The following TRIB3 variants were observed in gnomAD, a reference collection of about 807,000 sequenced individuals.
TRIB3 encodes the protein tribbles pseudokinase 3.
Under a neutral mutation model 16.6 loss-of-function variants are expected in TRIB3, and 20 were observed. The observed-to-expected ratio is 1.20, with a 90% confidence interval of 0.85 to 1.75. The LOEUF (loss-of-function observed/expected upper bound fraction) is 1.75, where lower values mean the gene tolerates loss of function less well. Ranked by LOEUF, TRIB3 falls within the 40% of genes most tolerant of loss-of-function variation. TRIB3 has a pLI of 0.00. For synonymous variants in TRIB3, 208 were observed against 217.0 expected, an observed-to-expected ratio of 0.96 and a Z score of 0.36; for missense variants, 484 against 488.9, an observed-to-expected ratio of 0.99 and a Z score of 0.10.
At chr20:387,035 G>C (rs371477630) in intron 1 of TRIB3, among the ~76,000 whole-genome samples, 1 of 152,082 alleles carries the variant, frequency 6.6e-6, no homozygotes, top group Admixed American at 6.5e-5. Context: ...ACAGGCGTGA[G>C]CCACCACGCC....
intron 3 of TRIB3, among the ~76,000 whole-genome samples, chr20:393,140 C>T (rs562375401): frequency 9.8e-6 from 1 of 101,784 alleles, no homozygotes; most frequent in Admixed American, 8.9e-5. Context: ...TAACACCTGA[C>T]GTAGCTATGG....
At position 380,767 on chromosome 20, in the gene TRIB3, C is replaced by T. The variant is rs2014613344; in HGVS notation, c.-403C>T. The T allele has an allele frequency of 6.6e-6, 1 of 151,954 alleles. No individual in the cohort carries two copies. The highest frequency in any genetic ancestry group is 1.5e-5 in the Non-Finnish European group (1 of 68,146). The allele number at this position is 151,954 out of a possible 1,614,324, so 9.4% of individuals were successfully genotyped here. A position where few individuals can be genotyped will look rare whatever the true frequency, so the allele number is the denominator to read the frequency against. ...CTGATGTCTGCACTGACCAGACGCC[C>T]CTAGGGGGCCAGCGAGGGCGGGTCC... On this transcript the variant is annotated 5_prime_UTR_variant, in exon 1 of 4. Coordinates refer to ENST00000217233, the MANE Select transcript of TRIB3 (RefSeq NM_021158.5).
rs1440223904 is a variant in TRIB3 at position 396,944 on chromosome 20, C to T, written c.*254C>T. 2 of 475,544 alleles carry T rather than the reference C, an allele frequency of 4.2e-6. No individual in the cohort carries two copies. Among genetic ancestry groups the T allele is most frequent in the Admixed American group, 3.7e-5 (1 of 26,854 alleles). The allele number at this position is 475,544 out of a possible 1,614,324, so 29.5% of individuals were successfully genotyped here. A position where few individuals can be genotyped will look rare whatever the true frequency, so the allele number is the denominator to read the frequency against. On this transcript the variant is annotated 3_prime_UTR_variant, in exon 4 of 4. Coordinates refer to ENST00000217233, the MANE Select transcript of TRIB3 (RefSeq NM_021158.5). ...GCAGTGAGCAAAGGAGACAATATTC[C>T]CTGCTCACAGAGATGACAAACTGGC...
intron 1 of TRIB3, among the ~76,000 whole-genome samples, chr20:382,982 A>T (rs1200776866): frequency 6.6e-6 from 1 of 152,188 alleles, no homozygotes. Flanking sequence ...AACTGTTGGG[A>T]AGGTCTTTAA....
rs778559464 is a variant in TRIB3 at position 391,389 on chromosome 20, C to A, written c.394C>A (p.Leu132Ile). 2 of 1,613,646 alleles carry A rather than the reference C, an allele frequency of 1.2e-6. No individual in the cohort carries two copies. Among genetic ancestry groups the A allele is most frequent in the Middle Eastern group, 3.3e-4 (2 of 6,082 alleles). ...RPTEVLAGTQ[L>I]LYAFFTRTHG... ...CACTGAGGTCCTGGCTGGTACCCAG[C>A]TCCTCTACGCCTTTTTCACTCGGAC... The change falls in exon 3 of 4, where the codon CTC becomes ATC. Residue 132 changes from leucine (L) to isoleucine (I), a missense_variant. Coordinates refer to ENST00000217233, the MANE Select transcript of TRIB3 (RefSeq NM_021158.5).
In TRIB3 at chr20:397,511, A is replaced by G. The variant is rs1294271241; in HGVS notation, c.*821A>G. On this transcript the variant is annotated 3_prime_UTR_variant, in exon 4 of 4. Transcript: ENST00000217233. ...GTCCATACTCTAGGTTTTGGATACC[A>G]TGAGTATGTATGTTTACCTGTGCCT... 6.6e-6 allele frequency: 1 copy of G among 152,198 alleles called. No individual in the cohort carries two copies. Among genetic ancestry groups the G allele is most frequent in the Admixed American group, 6.5e-5 (1 of 15,276 alleles). 9.4% of individuals were successfully genotyped at this position (152,198 alleles called of 1,614,324 possible).
At chr20:388,955 CTGGGG>C (rs2014899128) in intron 2 of TRIB3, among the ~76,000 whole-genome samples, 1 of 152,052 alleles carries the variant, frequency 6.6e-6, no homozygotes, top group Non-Finnish European at 1.5e-5. Flanking sequence ...GGCCTGGCTC[CTGGGG>C]TAAACTAAGG....
At chr20:382,555 A>T (rs2014691113) in intron 1 of TRIB3, 2 of 1,535,586 alleles carry the variant, frequency 1.3e-6, no homozygotes, top group East Asian at 2.4e-5. Context: ...GATGGTACTT[A>T]TGCATCTTGC....
At position 396,188 on chromosome 20, in the gene TRIB3, C is replaced by T; in HGVS notation, c.585-10C>T. On this transcript the variant is annotated splice_polypyrimidine_tract_variant and intron_variant, in intron 3 of 3. Coordinates refer to ENST00000217233, the MANE Select transcript of TRIB3 (RefSeq NM_021158.5). ...AGGACCTGACCCTTCTGTTTCTCCC[C>T]ATGTCCCAGGAAGAAGCTGGTGCTG... The T allele has an allele frequency of 6.2e-7, 1 of 1,603,462 alleles. No individual in the cohort carries two copies. Among genetic ancestry groups the T allele is most frequent in the Non-Finnish European group, 8.5e-7 (1 of 1,172,454 alleles).
intron 2 of TRIB3, among the ~76,000 whole-genome samples, chr20:390,397 C>T (rs185914727): frequency 3.1e-4 from 47 of 152,304 alleles, no homozygotes; most frequent in Non-Finnish European, 6.3e-4. Flanking sequence ...CAATGCTTAT[C>T]AGCATTTGTC....
At chr20:394,785 C>CT (rs763207463) in intron 3 of TRIB3, among the ~76,000 whole-genome samples, 3 of 148,868 alleles carry the variant, frequency 2.0e-5, no homozygotes, top group Non-Finnish European at 3.0e-5. Context: ...GACCCTATCT[C>CT]TAAAGAAAAA....
rs565398105 is a variant in TRIB3 at position 386,992 on chromosome 20, T to C, written c.1-1019T>C. On this transcript the variant is annotated intron_variant, in intron 1 of 3. Transcript: ENST00000217233. ...GGTCTTGAACTCCCAGCCTCATGATTCGCCCACCTTGGCCTCCCAAAGTGC... is the reference window on the plus strand; with the variant it reads ...GGTCTTGAACTCCCAGCCTCATGATCCGCCCACCTTGGCCTCCCAAAGTGC... Among the ~76,000 whole-genome samples, 700 of 151,976 alleles carry C rather than the reference T, an allele frequency of 4.6e-3. 8 individuals are homozygous for C. The highest frequency in any genetic ancestry group is 0.013 in the South Asian group (61 of 4,802).
In TRIB3 at chr20:391,482, T is replaced by C; in HGVS notation, c.487T>C (p.Phe163Leu). The C allele has an allele frequency of 6.2e-7, 1 of 1,613,882 alleles. No homozygotes were observed. The highest frequency in any genetic ancestry group is 8.5e-7 in the Non-Finnish European group (1 of 1,180,014). Residue 163 changes from phenylalanine to leucine, a missense_variant, in exon 3 of 4, where the codon TTC becomes CTC. Transcript: ENST00000217233. The part of the protein sequence containing the change: ...RIPEPEAAVL[F>L]RQMATALAHC... Reference sequence around the variant, plus strand: ...CCCTGAGCCTGAGGCTGCCGTGCTCTTCCGCCAGATGGCCACCGCCCTGGC... The same window carrying C: ...CCCTGAGCCTGAGGCTGCCGTGCTCCTCCGCCAGATGGCCACCGCCCTGGC...
chr20:381,026 C>T lies in TRIB3; in HGVS notation c.-144C>T, dbSNP rs1410168214. 2 of 148,956 alleles carry T rather than the reference C, an allele frequency of 1.3e-5. No individual in the cohort carries two copies. The highest frequency in any genetic ancestry group is 4.9e-5 in the African/African-American group (2 of 41,068). 9.2% of individuals were successfully genotyped at this position (148,956 alleles called of 1,614,324 possible). On this transcript the variant is annotated 5_prime_UTR_variant, in exon 1 of 4. Transcript: ENST00000217233. ...GCGGAAGTGGAGGCGGCTCCGCGCG[C>T]GTCCGCTGCTAGGACCCGGGCAGGG...
chr20:391,327 A>ACG lies in TRIB3; in HGVS notation c.332_333insCG (p.Ala112ValfsTer99), dbSNP rs2014969813. On this transcript the variant is annotated frameshift_variant, in exon 3 of 4. Transcript: ENST00000217233. LOFTEE classifies it high-confidence loss of function. The stretch of plus-strand genomic sequence containing the variant: ...GAAGCCCTGGCCGTGCTGGAGCCCT[A>ACG]TGCGCGGCTGCCCCCGCACAAGCAT... 1 of 1,613,086 alleles carries ACG rather than the reference A, an allele frequency of 6.2e-7. No individual in the cohort carries two copies. The highest frequency in any genetic ancestry group is 1.1e-5 in the South Asian group (1 of 91,074).
chr20:388,380 G>GA lies in TRIB3; in HGVS notation c.291+80dup, dbSNP rs1600250655. The GA allele has an allele frequency of 8.8e-6, 13 of 1,475,826 alleles. No individual in the cohort carries two copies. The East Asian group carries it at 3.0e-4, about 34-fold the overall frequency. The allele number at this position is 1,475,826 out of a possible 1,614,324, so 91.4% of individuals were successfully genotyped here. ...GCCTCCAAAGGATTGCCAGGGTGCA[G>GA]AGGGGTCCTTATGTTCATTCATTCT... On this transcript the variant is annotated intron_variant, in intron 2 of 3. Coordinates refer to ENST00000217233, the MANE Select transcript of TRIB3 (RefSeq NM_021158.5).
chr20:383,156 G>A (rs745500126), intron 1 of TRIB3, among the ~76,000 whole-genome samples: 6 of 152,196 alleles, frequency 3.9e-5, no homozygotes, highest in Non-Finnish European at 8.8e-5. Context: ...ACAGCTGCGT[G>A]AATGGTGGCT....
intron 1 of TRIB3, among the ~76,000 whole-genome samples, chr20:382,851 C>T (rs561302203): frequency 6.6e-6 from 1 of 152,328 alleles, no homozygotes; most frequent in Non-Finnish European, 1.5e-5. Flanking sequence ...AAGTCATGAC[C>T]TTTCACTCAT....
At chr20:393,435 GAT>G (rs1460513932) in intron 3 of TRIB3, among the ~76,000 whole-genome samples, 1 of 151,982 alleles carries the variant, frequency 6.6e-6, no homozygotes, top group Non-Finnish European at 1.5e-5. Flanking sequence ...GGGCTCAAGT[GAT>G]CCTCCCACCT....
Sources: gnomAD v4.1 joint callset for allele counts (sites outside exome capture counted in the v4.1 genomes callset) on GRCh38, gnomAD v4.1.1 for gene constraint, MANE v1.5 for transcripts, NCBI Gene and HGNC (gene_info 2026-07-23, HGNC 2026-07-21) for gene names.